PREP: variants seen among roughly 807,000 people sequenced by gnomAD.
The protein encoded by PREP is prolyl endopeptidase.
Under a neutral mutation model 87.6 loss-of-function variants are expected in PREP, and 29 were observed. The ratio of observed to expected loss-of-function variants is 0.33; its 90% CI spans 0.25 to 0.45. The LOEUF (loss-of-function observed/expected upper bound fraction) is 0.45, where lower values mean the gene tolerates loss of function less well. PREP is among the 20% of genes least tolerant of loss of function. The pLI, the probability that PREP is intolerant of heterozygous loss-of-function variation, is 1.00. For synonymous variants in PREP, 337 were observed against 328.6 expected (o/e 1.03, Z -0.28); for missense variants, 695 against 886.5 (o/e 0.78, Z 2.74).
intron 7 of PREP, among the ~76,000 whole-genome samples, chr6:105,339,843 C>A (rs995761151): frequency 6.6e-6 from 1 of 152,002 alleles, no homozygotes; most frequent in Admixed American, 6.6e-5. Context: ...AGAGAAAAAA[C>A]AGTAAAAAGA....
At chr6:105,297,008 T>A (rs548722452) in intron 10 of PREP, among the ~76,000 whole-genome samples, 4 of 152,228 alleles carry the variant, frequency 2.6e-5, no homozygotes, top group Non-Finnish European at 5.9e-5. Flanking sequence ...GCCTAGGCTA[T>A]GGGGGTTCAT....
At chr6:105,382,280 C>G in intron 2 of PREP, among the ~76,000 whole-genome samples, 1 of 89,474 alleles carries the variant, frequency 1.1e-5, no homozygotes, top group East Asian at 2.3e-4. Context: ...AACACACACA[C>G]ACACACACAC....
rs143485421 is a variant in PREP, at chr6:105,321,576, G to A, written c.1317+2089C>T. On this transcript the variant is annotated intron_variant, in intron 10 of 14. Coordinates refer to ENST00000652536, the MANE Select transcript of PREP (RefSeq NM_002726.5). The stretch of plus-strand genomic sequence containing the variant: ...TAAATGAAAACAATATATATTAGGT[G>A]GTAACTAGCTTGTCATCTATAAAGA... 3.0e-4 allele frequency among the ~76,000 whole-genome samples: 46 copies of A among 152,142 alleles called. No individual in the cohort carries two copies. In the East Asian group the frequency reaches 8.7e-3, roughly 29 times the overall value.
intron 7 of PREP, among the ~76,000 whole-genome samples, chr6:105,344,850 TC>T (rs1183449368): frequency 6.6e-6 from 1 of 151,940 alleles, no homozygotes; most frequent in Non-Finnish European, 1.5e-5. Flanking sequence ...TAAAAAAAAA[TC>T]ATTCAAGCTC....
intron 10 of PREP, among the ~76,000 whole-genome samples, chr6:105,316,042 G>A (rs1770857474): frequency 6.6e-6 from 1 of 152,176 alleles, no homozygotes; most frequent in African/African-American, 2.4e-5. Flanking sequence ...GTGTTCACTG[G>A]CATAGCACTT....
At chr6:105,369,942 G>A (rs1772491194) in intron 5 of PREP, among the ~76,000 whole-genome samples, 2 of 152,216 alleles carry the variant, frequency 1.3e-5, no homozygotes, top group South Asian at 4.1e-4. Context: ...ATATCATTAG[G>A]GAAATCCAAA....
At chr6:105,377,725 A>G (rs1183700527) in intron 2 of PREP, among the ~76,000 whole-genome samples, 1 of 152,180 alleles carries the variant, frequency 6.6e-6, no homozygotes, top group Non-Finnish European at 1.5e-5. Flanking sequence ...GTAACAACCA[A>G]TGCTTACATG....
At chr6:105,372,101 G>A (rs866763133) in intron 5 of PREP, among the ~76,000 whole-genome samples, 9 of 151,732 alleles carry the variant, frequency 5.9e-5, no homozygotes, top group African/African-American at 1.5e-4. Context: ...ATTCATTGGC[G>A]AATTTATAAA....
Position 105,282,928 on chromosome 6 carries a change from T to C in PREP, c.1550-346A>G, listed in dbSNP as rs903348313. The stretch of plus-strand genomic sequence containing the variant: ...ACAAGGAACCTGTATTTTGGGAAGC[T>C]GAACTTACAAATATAAAGCAAGACC... On this transcript the variant is annotated intron_variant, in intron 12 of 14. Transcript: ENST00000652536. Among the ~76,000 whole-genome samples, 5 of 152,224 alleles carry C rather than the reference T, an allele frequency of 3.3e-5. No homozygotes were observed. In the South Asian group the frequency reaches 1.0e-3, roughly 31 times the overall value.
chr6:105,292,210 T>C (rs370809738), intron 10 of PREP, among the ~76,000 whole-genome samples: 5 of 152,298 alleles, frequency 3.3e-5, no homozygotes, highest in African/African-American at 1.2e-4. Context: ...TCTAGAAGGT[T>C]TTCAATTTAC....
At chr6:105,349,417 G>A (rs1771883243) in intron 7 of PREP, among the ~76,000 whole-genome samples, 1 of 152,132 alleles carries the variant, frequency 6.6e-6, no homozygotes, top group Admixed American at 6.5e-5. Flanking sequence ...TTTCTATCCT[G>A]CTAATTTAGT....
intron 7 of PREP, among the ~76,000 whole-genome samples, chr6:105,351,082 CTTT>C (rs1488689324): frequency 6.6e-6 from 1 of 152,222 alleles, no homozygotes; most frequent in African/African-American, 2.4e-5. Context: ...CTGTGATGGT[CTTT>C]TTGCTATCAA....
intron 6 of PREP, among the ~76,000 whole-genome samples, chr6:105,364,707 G>A (rs1303891446): frequency 6.6e-6 from 1 of 152,278 alleles, no homozygotes; most frequent in Non-Finnish European, 1.5e-5. Flanking sequence ...AAAAGCCCTG[G>A]AAGAAATAAA....
chr6:105,366,371 C>T (rs946049479), intron 6 of PREP, among the ~76,000 whole-genome samples: 5 of 152,092 alleles, frequency 3.3e-5, no homozygotes, highest in South Asian at 4.1e-4. Context: ...AGGCTGTGAC[C>T]CTAACAGACC....
At chr6:105,294,485 C>T (rs1374587713) in intron 10 of PREP, among the ~76,000 whole-genome samples, 1 of 152,218 alleles carries the variant, frequency 6.6e-6, no homozygotes, top group Non-Finnish European at 1.5e-5. Flanking sequence ...TGTCCAGCAT[C>T]CTCACCTTAG....
chr6:105,307,048 A>G (rs1770671785), intron 10 of PREP, among the ~76,000 whole-genome samples: 1 of 152,222 alleles, frequency 6.6e-6, no homozygotes, highest in Non-Finnish European at 1.5e-5. Context: ...AAGCTGACCA[A>G]TAAAAAAGCA....
chr6:105,305,127 A>G (rs2114629858), intron 10 of PREP, among the ~76,000 whole-genome samples: 1 of 152,344 alleles, frequency 6.6e-6, no homozygotes, highest in African/African-American at 2.4e-5. Context: ...TTTTATTGTA[A>G]GTAGAAAAAT....
intron 9 of PREP, among the ~76,000 whole-genome samples, chr6:105,325,911 G>A (rs1048073547): frequency 2.0e-5 from 3 of 152,198 alleles, no homozygotes; most frequent in Admixed American, 1.3e-4. Flanking sequence ...GACTTGAGAA[G>A]GAGGCAGGGA....
At chr6:105,284,624 T>C (rs1480133135) in intron 12 of PREP, among the ~76,000 whole-genome samples, 3 of 152,010 alleles carry the variant, frequency 2.0e-5, no homozygotes, top group African/African-American at 2.4e-5. Flanking sequence ...GGGGGAAGCA[T>C]AGAGCTGATG....
Sources: gnomAD v4.1 joint callset for allele counts (sites outside exome capture counted in the v4.1 genomes callset) on GRCh38, gnomAD v4.1.1 for gene constraint, MANE v1.5 for transcripts, NCBI Gene and HGNC (gene_info 2026-07-23, HGNC 2026-07-21) for gene names.